The following PHACTR2 variants were observed in gnomAD, a reference collection of about 807,000 sequenced individuals.
PHACTR2 encodes the protein phosphatase and actin regulator 2.
Under a neutral mutation model 76.0 loss-of-function variants are expected in PHACTR2, and 30 were observed. The observed-to-expected ratio is 0.39, with a 90% CI of 0.30 to 0.54. The LOEUF (loss-of-function observed/expected upper bound fraction) is 0.54. Among genes scored for constraint, PHACTR2 ranks in the 20% least tolerant of loss-of-function variants. The pLI is 0.61. For missense variants in PHACTR2, 696 were observed against 781.1 expected (o/e 0.89, Z 1.30); for synonymous variants, 292 against 292.5 (o/e 1.00, Z 0.02).
Position 143,578,081 on chromosome 6 carries a change from T to A in PHACTR2, c.217+40874T>A, listed in dbSNP as rs913227997. Among the ~76,000 whole-genome samples the A allele has an allele frequency of 3.3e-5, 5 of 152,186 alleles. No individual in the cohort carries two copies. The highest frequency in any genetic ancestry group is 5.9e-5 in the Non-Finnish European group (4 of 68,030). On this transcript the variant is annotated intron_variant, in intron 1 of 11. Coordinates refer to the PHACTR2 transcript ENST00000367584. The surrounding 1 kb of genome is among the most constrained non-coding windows in gnomAD (Gnocchi z 4.5). ...AACTTGCTTACTAGGCCCCTCCCTT[T>A]CCCTCTCATGGATTAAATCAGCCAT...
chr6:143,538,023 T>A (rs1420131667), intron 1 of PHACTR2, among the ~76,000 whole-genome samples: 1 of 152,114 alleles, frequency 6.6e-6, no homozygotes, highest in Non-Finnish European at 1.5e-5. Context: ...GGCAGGAGAA[T>A]CGCTTGAACC....
Position 143,677,974 on chromosome 6 carries a change from GC to G in PHACTR2, c.-189del, listed in dbSNP as rs1750659130. ...TAGAGGAATGACAGGCATCCGCTGG[GC>G]AGGATCCGCCGCGCCGGCTGCGGCC... On this transcript the variant is annotated 5_prime_UTR_variant, in exon 1 of 13. Transcript: ENST00000440869. 16 of 1,423,724 alleles carry G rather than the reference GC, an allele frequency of 1.1e-5. 1 individual carries two copies. In the South Asian group the frequency reaches 2.3e-4, roughly 21 times the overall value. 88.2% of individuals were successfully genotyped at this position (1,423,724 alleles called of 1,614,324 possible).
rs923042310 is a variant in PHACTR2 at position 143,550,081 on chromosome 6, C to T, written c.217+12874C>T. Among the ~76,000 whole-genome samples the T allele has an allele frequency of 6.6e-6, 1 of 152,016 alleles. No individual in the cohort carries two copies. The highest frequency in any genetic ancestry group is 2.4e-5 in the African/African-American group (1 of 41,420). On this transcript the variant is annotated intron_variant, in intron 1 of 11. Transcript: ENST00000367584. This position sits in a 1 kb window ranked among gnomAD's most constrained non-coding sequence, Gnocchi z 4.8. ...GGACTACTCAAATCAAACGTAATGG[C>T]CTGCTGACCAGAGCTCCCACTCTGA...
At chr6:143,632,826 T>C (rs1228337273) in intron 1 of PHACTR2, among the ~76,000 whole-genome samples, 1 of 152,240 alleles carries the variant, frequency 6.6e-6, no homozygotes, top group Non-Finnish European at 1.5e-5. Flanking sequence ...GTTTTGCCTT[T>C]TTCAGAACAT....
Position 143,767,015 on chromosome 6 carries a change from TA to T in PHACTR2, c.1232+1225del, listed in dbSNP as rs533857586. Among the ~76,000 whole-genome samples, 509 of 152,174 alleles carry T rather than the reference TA, an allele frequency of 3.3e-3. 7 individuals carry two copies. Among genetic ancestry groups the T allele is most frequent in the African/African-American group, 0.012 (486 of 41,522 alleles). ...TCAAAACAATCTGTCATGTTAGACT[TA>T]AAAAAAATTATTACATTAATTAGGT... On this transcript the variant is annotated intron_variant, in intron 6 of 12. Coordinates refer to ENST00000440869, the MANE Select transcript of PHACTR2 (RefSeq NM_001100164.2). The surrounding 1 kb of genome is among the most constrained non-coding windows in gnomAD (Gnocchi z 4.4).
rs1372085983 is a variant in PHACTR2, at chr6:143,621,360, A to G, written c.13+13038A>G. ...GTTCCTGTGGATCCCGAGCCCTCTC[A>G]GGCCTCCTCGGTGCAGAAGGGCAAA... On this transcript the variant is annotated intron_variant, in intron 1 of 11. Coordinates refer to the PHACTR2 transcript ENST00000305766. This position sits in a 1 kb window ranked among gnomAD's most constrained non-coding sequence, Gnocchi z 4.1. Among the ~76,000 whole-genome samples, 2 of 152,214 alleles carry G rather than the reference A, an allele frequency of 1.3e-5. No homozygotes were observed. The highest frequency in any genetic ancestry group is 4.8e-5 in the African/African-American group (2 of 41,464).
At chr6:143,771,144 GTATATATATATA>G (rs1185999309) in intron 6 of PHACTR2, among the ~76,000 whole-genome samples, 175 of 30,824 alleles carry the variant, frequency 5.7e-3, no homozygotes, top group African/African-American at 0.015. Flanking sequence ...ATATATATAT[GTATATATATATA>G]TGTATATATA....
rs1057466030 is a variant in PHACTR2, at chr6:143,700,789, C to CACTCT, written c.47-11224_47-11220dup. On this transcript the variant is annotated intron_variant, in intron 1 of 12. Coordinates refer to ENST00000440869, the MANE Select transcript of PHACTR2 (RefSeq NM_001100164.2). This position sits in a 1 kb window ranked among gnomAD's most constrained non-coding sequence, Gnocchi z 4.1. ...TCTTCCTTTTCACAAACACAGCACACACTCTACACACCATGACCTGCTCCA... is the reference window on the plus strand; with the variant it reads ...TCTTCCTTTTCACAAACACAGCACACACTCTACTCTACACACCATGACCTGCTCCA... Among the ~76,000 whole-genome samples the CACTCT allele has an allele frequency of 1.3e-5, 2 of 152,164 alleles. No individual in the cohort carries two copies. The highest frequency in any genetic ancestry group is 4.8e-5 in the African/African-American group (2 of 41,438).
At position 143,608,451 on chromosome 6, in the gene PHACTR2, A is replaced by T; in HGVS notation, c.13+129A>T. ...AAATGTTCAAGACTGAGACGCGTGT[A>T]ATATGTGAACCCCGATGCATTGTCC... is the stretch of plus-strand genomic sequence containing the variant. On this transcript the variant is annotated intron_variant, in intron 1 of 11. Coordinates refer to the PHACTR2 transcript ENST00000305766. This position sits in a 1 kb window ranked among gnomAD's most constrained non-coding sequence, Gnocchi z 4.6. 2 of 880,954 alleles carry T rather than the reference A, an allele frequency of 2.3e-6. No homozygotes were observed. Among genetic ancestry groups the T allele is most frequent in the Non-Finnish European group, 3.7e-6 (2 of 535,812 alleles). The allele number at this position is 880,954 out of a possible 1,614,324, so 54.6% of individuals were successfully genotyped here. A position where few individuals can be genotyped will look rare whatever the true frequency, so the allele number is the denominator to read the frequency against.
At chr6:143,626,078 T>G (rs1357600955) in intron 1 of PHACTR2, among the ~76,000 whole-genome samples, 2 of 152,190 alleles carry the variant, frequency 1.3e-5, no homozygotes, top group Non-Finnish European at 2.9e-5. Context: ...TTTGCTTAAA[T>G]GCTTTTAAGT....
intron 12 of PHACTR2, among the ~76,000 whole-genome samples, chr6:143,810,243 A>G (rs1776147558): frequency 1.3e-5 from 2 of 152,206 alleles, no homozygotes; most frequent in Admixed American, 6.5e-5. Flanking sequence ...TCAGTTTTTC[A>G]TTATTAAAAC....
rs561608901 is a variant in PHACTR2, at chr6:143,754,410, TGA to T, written c.454+505_454+506del. On this transcript the variant is annotated intron_variant, in intron 4 of 12. Transcript: ENST00000440869. This position sits in a 1 kb window ranked among gnomAD's most constrained non-coding sequence, Gnocchi z 6.2. ...CAGCATCATAGGTTCCAGACGTTTC[TGA>T]GAGAGACCCAGGAATAGCTCCCAGA... Among the ~76,000 whole-genome samples, 396 of 152,354 alleles carry T rather than the reference TGA, an allele frequency of 2.6e-3. 6 individuals carry two copies. Among genetic ancestry groups the T allele is most frequent in the Non-Finnish European group, 4.7e-4 (32 of 68,032 alleles).
rs1776799706 is a variant in PHACTR2 at position 143,653,632 on chromosome 6, C to T, written c.13+45310C>T. On this transcript the variant is annotated intron_variant, in intron 1 of 11. Transcript: ENST00000305766. The surrounding 1 kb of genome is among the most constrained non-coding windows in gnomAD (Gnocchi z 4.9). ...TTCAATGGGGAAAGAAATGTCTTAT[C>T]AGCAAACAGTGCTAGGGCAACTAGA... Among the ~76,000 whole-genome samples, 1 of 151,610 alleles carries T rather than the reference C, an allele frequency of 6.6e-6. No homozygotes were observed. Among genetic ancestry groups the T allele is most frequent in the African/African-American group, 2.4e-5 (1 of 41,216 alleles).
In PHACTR2 at chr6:143,695,196, C is replaced by A. The variant is rs1024450800; in HGVS notation, c.47-16820C>A. Among the ~76,000 whole-genome samples, 7 of 152,238 alleles carry A rather than the reference C, an allele frequency of 4.6e-5. No homozygotes were observed. Among genetic ancestry groups the A allele is most frequent in the African/African-American group, 1.7e-4 (7 of 41,454 alleles). ...CAAAGGCTGCAAACAAGACTCACTT[C>A]TCTTAGGCCCTGATCCGAATCCAGA... is the stretch of plus-strand genomic sequence containing the variant. On this transcript the variant is annotated intron_variant, in intron 1 of 12. Transcript: ENST00000440869. This position sits in a 1 kb window ranked among gnomAD's most constrained non-coding sequence, Gnocchi z 4.4.
upstream of PHACTR2, among the ~76,000 whole-genome samples, chr6:143,674,506 G>A (rs1582758169): frequency 6.6e-6 from 1 of 152,120 alleles, no homozygotes; most frequent in African/African-American, 2.4e-5. This position sits in a 1 kb window ranked among gnomAD's most constrained non-coding sequence, Gnocchi z 4.9. Flanking sequence ...AAATAAGGGT[G>A]TAAATTAATG....
rs1429978262 is a variant in PHACTR2, at chr6:143,633,990, TC to T, written c.13+25670del. 6.6e-6 allele frequency among the ~76,000 whole-genome samples: 1 copy of T among 152,210 alleles called. No homozygotes were observed. Among genetic ancestry groups the T allele is most frequent in the Admixed American group, 6.5e-5 (1 of 15,272 alleles). ...AAATGACTATGATAATTATATTTTA[TC>T]CTACTTTTACAAAATACTAGTCAGT... On this transcript the variant is annotated intron_variant, in intron 1 of 11. Transcript: ENST00000305766. The surrounding 1 kb of genome is among the most constrained non-coding windows in gnomAD (Gnocchi z 4.1).
At chr6:143,545,955 A>G (rs1374400357) in intron 1 of PHACTR2, among the ~76,000 whole-genome samples, 3 of 152,224 alleles carry the variant, frequency 2.0e-5, no homozygotes, top group Non-Finnish European at 4.4e-5. Flanking sequence ...TCAGGCTAGC[A>G]CATTTCGGTG....
chr6:143,744,873 T>C (rs1409672740), intron 2 of PHACTR2, among the ~76,000 whole-genome samples: 1 of 152,190 alleles, frequency 6.6e-6, no homozygotes, highest in Non-Finnish European at 1.5e-5. Flanking sequence ...GCTGCTGTTA[T>C]CAGAATTGAA....
chr6:143,678,228 C>T lies in PHACTR2; in HGVS notation c.46+19C>T, dbSNP rs913974841. On this transcript the variant is annotated intron_variant, in intron 1 of 12. Coordinates refer to ENST00000440869, the MANE Select transcript of PHACTR2 (RefSeq NM_001100164.2). This position sits in a 1 kb window ranked among gnomAD's most constrained non-coding sequence, Gnocchi z 6.2. The stretch of plus-strand genomic sequence containing the variant: ...GGCAGCGGTGAGTCCGGGGCGCACG[C>T]GATGCGCTCCCGCCGCGCGGGCGCA... 6.7e-7 allele frequency: 1 copy of T among 1,482,782 alleles called. No homozygotes were observed. Among genetic ancestry groups the T allele is most frequent in the Non-Finnish European group, 9.0e-7 (1 of 1,117,222 alleles). 91.9% of individuals were successfully genotyped at this position (1,482,782 alleles called of 1,614,324 possible). A position where few individuals can be genotyped will look rare whatever the true frequency, so the allele number is the denominator to read the frequency against.
Sources: allele counts gnomAD v4.1 joint callset (sites outside exome capture counted in the v4.1 genomes callset), GRCh38; gene constraint gnomAD v4.1.1; non-coding constraint Gnocchi (gnomAD v3.1); transcripts MANE v1.5; gene names NCBI Gene and HGNC (gene_info 2026-07-23, HGNC 2026-07-21).